FSIP2: variants seen among roughly 807,000 people sequenced by gnomAD.
FSIP2 encodes fibrous sheath-interacting protein 2.
A neutral mutation model predicts 510.5 loss-of-function variants in FSIP2; 367 were observed. The ratio of observed to expected loss-of-function variants is 0.72; its 90% CI spans 0.66 to 0.78. The LOEUF (loss-of-function observed/expected upper bound fraction) is 0.78. Ranked by LOEUF, FSIP2 falls within the 30% of genes least tolerant of loss-of-function variation. The pLI is 0.00. For missense variants in FSIP2, 7,594 were observed against 7,901.7 expected, an observed-to-expected ratio of 0.96 and a Z score of 1.48; for synonymous variants, 2,601 against 2,732.2, an observed-to-expected ratio of 0.95 and a Z score of 1.50.
intron 2 of FSIP2, 64 bp from the exon 3 acceptor site, chr2:185,743,068 AT>A: frequency 9.4e-7 from 1 of 1,060,980 alleles, no homozygotes. Flanking sequence ...CATTCTAATC[AT>A]TTTGATAGAT....
chr2:185,757,136 T>A (rs1049749278), intron 9 of FSIP2, among the ~76,000 whole-genome samples: 1 of 151,372 alleles, frequency 6.6e-6, no homozygotes, highest in African/African-American at 2.4e-5. Flanking sequence ...CTACATCTTA[T>A]ACTAAATGTA....
Position 185,802,027 on chromosome 2 carries a change from A to G in FSIP2, c.12721A>G (p.Ile4241Val). The change falls in exon 17 of 23, where the codon ATT becomes GTT. Residue 4241 changes from isoleucine (I) to valine (V), a missense_variant. Transcript: ENST00000424728. ...IQKSIVSRSP[I>V]MIDQIASFII... is the part of the protein sequence containing the mutation. ...AAAAAGTATAGTAAGCCGAAGCCCA[A>G]TTATGATTGACCAAATAGCCAGCTT... is the stretch of plus-strand genomic sequence containing the variant. 1.3e-6 allele frequency: 2 copies of G among 1,530,890 alleles called. No individual in the cohort carries two copies. Among genetic ancestry groups the G allele is most frequent in the Non-Finnish European group, 1.7e-6 (2 of 1,144,398 alleles). 94.8% of individuals were successfully genotyped at this position (1,530,890 alleles called of 1,614,324 possible).
intron 13 of FSIP2, among the ~76,000 whole-genome samples, chr2:185,775,895 C>T (rs1432647418): frequency 6.6e-6 from 1 of 152,164 alleles, no homozygotes; most frequent in Non-Finnish European, 1.5e-5. Context: ...AATTCCTGAC[C>T]TCAGGTGATC....
rs1380660311 is a variant in FSIP2 at position 185,803,292 on chromosome 2, AC to A, written c.13987del (p.His4663IlefsTer2). ...TGTTTGAGAAAGCTGAAGAACTCATACATTTGATTACAGGGGAATTCTCAAA... is the reference window on the plus strand; with the variant it reads ...TGTTTGAGAAAGCTGAAGAACTCATAATTTGATTACAGGGGAATTCTCAAA... ...ELFEKAEELI[H>X]LITGEFSKAQ... On this transcript the variant is annotated frameshift_variant, in exon 17 of 23. Transcript: ENST00000424728. LOFTEE classifies it high-confidence loss of function. The A allele has an allele frequency of 1.3e-5, 20 of 1,526,204 alleles. No individual in the cohort carries two copies. The highest frequency in any genetic ancestry group is 1.7e-5 in the Non-Finnish European group (19 of 1,142,762). 94.5% of individuals were successfully genotyped at this position (1,526,204 alleles called of 1,614,324 possible). A position where few individuals can be genotyped will look rare whatever the true frequency, so the allele number is the denominator to read the frequency against.
chr2:185,743,125 G>A lies in FSIP2; in HGVS notation c.226-8G>A. ...TAATTTTACATATTTTTGAATCTGT[G>A]TTTGCAGCTTTTTCGACCTTCTTAT... On this transcript the variant is annotated splice_polypyrimidine_tract_variant and splice_region_variant and intron_variant, in intron 2 of 22. Transcript: ENST00000424728. 6.9e-7 allele frequency: 1 copy of A among 1,452,058 alleles called. No individual in the cohort carries two copies. Among genetic ancestry groups the A allele is most frequent in the Non-Finnish European group, 9.0e-7 (1 of 1,109,240 alleles). 89.9% of individuals were successfully genotyped at this position (1,452,058 alleles called of 1,614,324 possible). A position where few individuals can be genotyped will look rare whatever the true frequency, so the allele number is the denominator to read the frequency against.
Position 185,792,436 on chromosome 2 carries a change from T to G in FSIP2, c.5300T>G (p.Val1767Gly). The G allele has an allele frequency of 6.5e-7, 1 of 1,533,274 alleles. No homozygotes were observed. The highest frequency in any genetic ancestry group is 8.7e-7 in the Non-Finnish European group (1 of 1,144,826). The allele number at this position is 1,533,274 out of a possible 1,614,324, so 95.0% of individuals were successfully genotyped here. A position where few individuals can be genotyped will look rare whatever the true frequency, so the allele number is the denominator to read the frequency against. Residue 1767 changes from valine (V) to glycine (G), a missense_variant, in exon 16 of 23, where the codon GTA becomes GGA. Coordinates refer to ENST00000424728, the MANE Select transcript of FSIP2 (RefSeq NM_173651.4). ...ALEKTLNKIE[V>G]KLKEPHISPI... ...GAAAAAACCTTAAACAAAATTGAAG[T>G]AAAACTCAAAGAACCACATATATCT...
Position 185,753,209 on chromosome 2 carries a change from T to C in FSIP2, c.871-513T>C, listed in dbSNP as rs368299277. Among the ~76,000 whole-genome samples the C allele has an allele frequency of 2.0e-5, 3 of 151,524 alleles. No individual in the cohort carries two copies. In the East Asian group the frequency reaches 5.8e-4, roughly 29 times the overall value. On this transcript the variant is annotated intron_variant, in intron 7 of 22. Coordinates refer to ENST00000424728, the MANE Select transcript of FSIP2 (RefSeq NM_173651.4). ...TACTGTAGTCTTGGGTAGTTTTTTT[T>C]ACATATGCTAATCCATTTTCTTGCT...
At chr2:185,740,549 C>G (rs891001091) in intron 2 of FSIP2, 1 of 152,136 alleles carries the variant, frequency 6.6e-6, no homozygotes, top group African/African-American at 2.4e-5. Context: ...AATAGAACCC[C>G]TTGGTATTTG....
intron 21 of FSIP2, among the ~76,000 whole-genome samples, chr2:185,829,553 G>A (rs1307495340): frequency 6.6e-6 from 1 of 151,950 alleles, no homozygotes; most frequent in Non-Finnish European, 1.5e-5. Flanking sequence ...CCTGTGAGAT[G>A]GAGAATCTGG....
In FSIP2 at chr2:185,794,744, C is replaced by T. The variant is rs777675930; in HGVS notation, c.7608C>T (p.Asn2536=). The change falls in exon 16 of 23, where the codon AAC becomes AAT. Residue 2536 remains asparagine, a synonymous_variant. Transcript: ENST00000424728. ...TQKNSFQSHI[N]SVANDIVESV... ...AAAACAGTTTTCAATCACATATTAA[C>T]AGTGTAGCAAATGACATAGTTGAAA... 6 of 1,533,884 alleles carry T rather than the reference C, an allele frequency of 3.9e-6. No individual in the cohort carries two copies. In the South Asian group the frequency reaches 7.1e-5, roughly 18 times the overall value.
chr2:185,792,269 G>A lies in FSIP2; in HGVS notation c.5133G>A (p.Arg1711=), dbSNP rs1376821106. 2 of 1,533,312 alleles carry A rather than the reference G, an allele frequency of 1.3e-6. No individual in the cohort carries two copies. Among genetic ancestry groups the A allele is most frequent in the Admixed American group, 3.9e-5 (2 of 50,688 alleles). The allele number at this position is 1,533,312 out of a possible 1,614,324, so 95.0% of individuals were successfully genotyped here. Residue 1711 remains arginine, a synonymous_variant, in exon 16 of 23, where the codon AGG becomes AGA. Transcript: ENST00000424728. ...EGGGIETYRY[R]PTYGSLPGGA... is the part of the protein sequence containing the mutation. ...GAGGCATTGAAACTTATCGATACAG[G>A]CCAACATATGGAAGTCTTCCTGGAG...
chr2:185,791,670 A>T lies in FSIP2; in HGVS notation c.4534A>T (p.Ile1512Phe). The T allele has an allele frequency of 1.3e-6, 2 of 1,534,202 alleles. No individual in the cohort carries two copies. The highest frequency in any genetic ancestry group is 1.7e-6 in the Non-Finnish European group (2 of 1,145,578). Reference protein sequence around the residue: ...TSFASCGLKAISESLDIDNPS... With the variant: ...TSFASCGLKAFSESLDIDNPS... The stretch of plus-strand genomic sequence containing the variant: ...TTTTGCAAGTTGTGGATTAAAAGCT[A>T]TCTCAGAGTCTCTTGACATTGACAA... Residue 1512 changes from isoleucine to phenylalanine, a missense_variant, in exon 16 of 23, where the codon ATC (isoleucine) becomes TTC (phenylalanine). By Grantham distance (21) the Ile-to-Phe change is conservative. Transcript: ENST00000424728.
In FSIP2 at chr2:185,738,844, G is replaced by A; in HGVS notation, c.-51G>A. The stretch of plus-strand genomic sequence containing the variant: ...CGGACAGAGGGACAACGGGGTGCTA[G>A]AGAAGGAGAGCGGGGCGGGTGAGGA... On this transcript the variant is annotated 5_prime_UTR_variant, in exon 1 of 23. Coordinates refer to ENST00000424728, the MANE Select transcript of FSIP2 (RefSeq NM_173651.4). The A allele has an allele frequency of 6.5e-7, 1 of 1,534,908 alleles. No homozygotes were observed. The highest frequency in any genetic ancestry group is 2.4e-5 in the East Asian group (1 of 40,838).
At chr2:185,799,559 A>ATTTCTTTCTTTGTTTAGATT in intron 16 of FSIP2, 138 bp from the exon 17 acceptor site, 3 of 432,056 alleles carry the variant, frequency 6.9e-6, no homozygotes, top group Non-Finnish European at 1.2e-5. Flanking sequence ...GGAAAATCTA[A>ATTTCTTTCTTTGTTTAGATT]TTTCTTTTTT....
Position 185,803,574 on chromosome 2 carries a change from T to C in FSIP2, c.14268T>C (p.His4756=), listed in dbSNP as rs904072898. The change falls in exon 17 of 23, where the codon CAT becomes CAC. Residue 4756 remains histidine, a synonymous_variant. Coordinates refer to ENST00000424728, the MANE Select transcript of FSIP2 (RefSeq NM_173651.4). ...DLIANLPFKS[H]SKLSANVLIQ... is the part of the protein sequence containing the mutation. ...TAGCAAATCTGCCTTTTAAATCACA[T>C]TCCAAACTCAGTGCAAATGTTTTAA... The C allele has an allele frequency of 7.8e-6, 12 of 1,532,468 alleles. No homozygotes were observed. The highest frequency in any genetic ancestry group is 1.0e-5 in the Non-Finnish European group (12 of 1,144,686). 94.9% of individuals were successfully genotyped at this position (1,532,468 alleles called of 1,614,324 possible). A position where few individuals can be genotyped will look rare whatever the true frequency, so the allele number is the denominator to read the frequency against.
intron 20 of FSIP2, 149 bp from the exon 21 acceptor site, chr2:185,828,007 T>A (rs948159409): frequency 1.8e-6 from 1 of 558,428 alleles, no homozygotes; most frequent in Non-Finnish European, 3.2e-6. Flanking sequence ...TGTTCCCAAT[T>A]GCTTATACAT....
chr2:185,803,251 G>T lies in FSIP2; in HGVS notation c.13945G>T (p.Asp4649Tyr), dbSNP rs1402766649. 1.3e-6 allele frequency: 2 copies of T among 1,525,308 alleles called. No individual in the cohort carries two copies. Among genetic ancestry groups the T allele is most frequent in the Non-Finnish European group, 8.8e-7 (1 of 1,142,610 alleles). The allele number at this position is 1,525,308 out of a possible 1,614,324, so 94.5% of individuals were successfully genotyped here. A position where few individuals can be genotyped will look rare whatever the true frequency, so the allele number is the denominator to read the frequency against. Residue 4649 changes from aspartate to tyrosine, a missense_variant, in exon 17 of 23, where the codon GAT (aspartate) becomes TAT (tyrosine). Physicochemically the swap from Asp to Tyr is radical, Grantham distance 160. Transcript: ENST00000424728. The part of the protein sequence containing the change: ...VGIVQTKSIR[D>Y]SEDELFEKAE... ...CATTGTACAAACAAAATCCATAAGA[G>T]ATTCAGAAGATGAACTGTTTGAGAA...
At chr2:185,787,690 T>C (rs1035437655) in intron 15 of FSIP2, among the ~76,000 whole-genome samples, 1 of 151,740 alleles carries the variant, frequency 6.6e-6, no homozygotes, top group African/African-American at 2.4e-5. Flanking sequence ...TGCATTTATT[T>C]CTACCCATGG....
intron 17 of FSIP2, among the ~76,000 whole-genome samples, chr2:185,812,588 T>C (rs1458354334): frequency 6.6e-6 from 1 of 152,058 alleles, no homozygotes; most frequent in African/African-American, 2.4e-5. Flanking sequence ...TGGTTCTGCC[T>C]CAAGACTTAA....
Sources: allele counts gnomAD v4.1 joint callset (sites outside exome capture counted in the v4.1 genomes callset), GRCh38; gene constraint gnomAD v4.1.1; transcripts MANE v1.5; gene names NCBI Gene and HGNC (gene_info 2026-07-23, HGNC 2026-07-21).